The following PCED1B variants were observed in gnomAD, a reference collection of about 807,000 sequenced individuals.
The protein encoded by PCED1B is PC-esterase domain-containing protein 1B.
For synonymous variants in PCED1B, 251 were observed against 246.1 expected (o/e 1.02, Z -0.19); for missense variants, 573 against 573.9 (o/e 1.00, Z 0.02).
intron 2 of PCED1B, among the ~76,000 whole-genome samples, chr12:47,119,134 G>A (rs1223864815): frequency 6.6e-6 from 1 of 151,968 alleles, no homozygotes; most frequent in African/African-American, 2.4e-5. Context: ...GTTCAATGAG[G>A]GAAGAATAGT....
rs74601602 is a variant in PCED1B at position 47,158,768 on chromosome 12, T to C, written c.-526+54573T>C. 6.5e-3 allele frequency among the ~76,000 whole-genome samples: 991 copies of C among 152,336 alleles called. 12 individuals carry two copies. The highest frequency in any genetic ancestry group is 0.037 in the Middle Eastern group (11 of 294). The stretch of plus-strand genomic sequence containing the variant: ...ACCTCAAGTATTTATCACTTCTATG[T>C]GTTGGGAACATTTCAAGTCTTCTAG... On this transcript the variant is annotated intron_variant, in intron 2 of 3. Coordinates refer to ENST00000546455, the MANE Select transcript of PCED1B (RefSeq NM_138371.3).
intron 2 of PCED1B, among the ~76,000 whole-genome samples, chr12:47,175,583 T>TG (rs1341638069): frequency 7.0e-4 from 106 of 152,232 alleles, no homozygotes; most frequent in African/African-American, 2.3e-3. Context: ...TATGTATGTA[T>TG]TTATTTTGAG....
intron 2 of PCED1B, chr12:47,135,547 C>T: frequency 3.9e-6 from 2 of 512,684 alleles, no homozygotes; most frequent in Non-Finnish European, 7.9e-6. Context: ...CAGGAGGATG[C>T]CCAGAGCCAG....
chr12:47,178,285 G>A (rs1009814607), intron 2 of PCED1B, among the ~76,000 whole-genome samples: 4 of 152,174 alleles, frequency 2.6e-5, no homozygotes, highest in African/African-American at 4.8e-5. Context: ...GAAGTGCAGC[G>A]GGAGGAGGAC....
chr12:47,184,051 C>CT (rs1377818249), intron 2 of PCED1B, among the ~76,000 whole-genome samples: 1 of 152,068 alleles, frequency 6.6e-6, no homozygotes, highest in Non-Finnish European at 1.5e-5. Flanking sequence ...TTTTCTTTTT[C>CT]TTTTTTGTAG....
At chr12:47,141,590 T>C (rs1323492113) in intron 2 of PCED1B, among the ~76,000 whole-genome samples, 1 of 151,996 alleles carries the variant, frequency 6.6e-6, no homozygotes, top group Non-Finnish European at 1.5e-5. Flanking sequence ...TTGGCCATGG[T>C]CTGAGAGAAG....
chr12:47,230,327 T>C (rs1943766827), intron 3 of PCED1B, among the ~76,000 whole-genome samples: 1 of 151,970 alleles, frequency 6.6e-6, no homozygotes, highest in Non-Finnish European at 1.5e-5. Context: ...CTCGTGATCC[T>C]CCTGCCTTGG....
chr12:47,191,971 A>T (rs1417739864), intron 2 of PCED1B, among the ~76,000 whole-genome samples: 1 of 152,120 alleles, frequency 6.6e-6, no homozygotes, highest in Non-Finnish European at 1.5e-5. Context: ...GAAATGATTG[A>T]CTGTTTTCTC....
chr12:47,175,187 A>C lies in PCED1B; in HGVS notation c.-525-41035A>C, dbSNP rs1468761764. On this transcript the variant is annotated intron_variant, in intron 2 of 3. Transcript: ENST00000546455. ...ATTGCTAGTTGAGTAGAATATTTAC[A>C]GTTAAAATATGGTGCTGGCTTTATC... is the stretch of plus-strand genomic sequence containing the variant. Among the ~76,000 whole-genome samples the C allele has an allele frequency of 3.9e-5, 6 of 152,236 alleles. No individual in the cohort carries two copies. The South Asian group carries it at 8.3e-4, about 21-fold the overall frequency.
chr12:47,182,175 G>A (rs1035251124), intron 2 of PCED1B, among the ~76,000 whole-genome samples: 2 of 152,192 alleles, frequency 1.3e-5, no homozygotes, highest in Non-Finnish European at 2.9e-5. Flanking sequence ...CTTCTAGTGA[G>A]GGGGTGCTAG....
chr12:47,197,238 C>CAAAAAAAAAA (rs57095369), intron 2 of PCED1B, among the ~76,000 whole-genome samples: 1 of 58,616 alleles, frequency 1.7e-5, no homozygotes, highest in Non-Finnish European at 2.9e-5. Context: ...GACTCTGTCT[C>CAAAAAAAAAA]AAAAAAAAAA....
At chr12:47,182,141 A>C (rs1942114237) in intron 2 of PCED1B, among the ~76,000 whole-genome samples, 1 of 152,244 alleles carries the variant, frequency 6.6e-6, no homozygotes, top group Admixed American at 6.5e-5. Context: ...AGAACAGCTG[A>C]AATGACTGAA....
intron 2 of PCED1B, among the ~76,000 whole-genome samples, chr12:47,169,920 A>G (rs1475686072): frequency 1.9e-5 from 2 of 103,352 alleles, no homozygotes; most frequent in African/African-American, 3.7e-5. Context: ...TTTTTTTAGT[A>G]TCATTCTTGG....
chr12:47,204,786 C>A (rs1277656576), intron 2 of PCED1B, among the ~76,000 whole-genome samples: 1 of 152,050 alleles, frequency 6.6e-6, no homozygotes, highest in African/African-American at 2.4e-5. Flanking sequence ...TACAGATGGG[C>A]CATAACATTT....
intron 2 of PCED1B, among the ~76,000 whole-genome samples, chr12:47,159,575 A>G (rs572841565): frequency 6.3e-4 from 96 of 151,580 alleles, no homozygotes; most frequent in African/African-American, 2.2e-3. Context: ...CCACTTTTTA[A>G]TAGGATTTTC....
At chr12:47,152,378 C>T (rs1246826642) in intron 2 of PCED1B, among the ~76,000 whole-genome samples, 1 of 152,138 alleles carries the variant, frequency 6.6e-6, no homozygotes, top group Non-Finnish European at 1.5e-5. Context: ...CTTCTGGAGT[C>T]TTCTTGCCAA....
At chr12:47,187,647 G>A (rs1451241713) in intron 2 of PCED1B, among the ~76,000 whole-genome samples, 1 of 152,082 alleles carries the variant, frequency 6.6e-6, no homozygotes. Context: ...TCAGCACCAA[G>A]GGCTGGAGGT....
chr12:47,148,610 A>C (rs74083885), intron 2 of PCED1B, among the ~76,000 whole-genome samples: 3,771 of 152,262 alleles, frequency 0.025, 151 homozygotes, highest in African/African-American at 0.084. Flanking sequence ...TCTGGAGTTA[A>C]ATGACTCCTA....
chr12:47,106,927 C>T (rs951137259), intron 2 of PCED1B, among the ~76,000 whole-genome samples: 1 of 152,118 alleles, frequency 6.6e-6, no homozygotes, highest in African/African-American at 2.4e-5. Context: ...TTCCCCAAGT[C>T]CTGTTCCTTT....
Sources: allele counts gnomAD v4.1 joint callset (sites outside exome capture counted in the v4.1 genomes callset), GRCh38; gene constraint gnomAD v4.1.1; transcripts MANE v1.5; gene names NCBI Gene and HGNC (gene_info 2026-07-23, HGNC 2026-07-21).